The following UVRAG variants were observed in gnomAD, a reference collection of about 807,000 sequenced individuals.
UVRAG encodes UV radiation resistance-associated gene protein.
Under a neutral mutation model 78.0 loss-of-function variants are expected in UVRAG, and 19 were observed. The ratio of observed to expected loss-of-function variants is 0.24; its 90% CI spans 0.17 to 0.36. UVRAG has a LOEUF of 0.36. Among genes scored for constraint, UVRAG ranks in the 10% least tolerant of loss-of-function variants. The probability of loss-of-function intolerance (pLI) is 1.00; values close to 1 mark genes in which losing one functional copy is unlikely to be tolerated. For synonymous variants in UVRAG, 323 were observed against 324.6 expected (o/e 1.00, Z 0.05); for missense variants, 740 against 853.8 (o/e 0.87, Z 1.66).
intron 2 of UVRAG, among the ~76,000 whole-genome samples, chr11:75,858,467 G>A (rs1202225174): frequency 1.3e-5 from 2 of 152,002 alleles, no homozygotes; most frequent in Admixed American, 1.3e-4. Context: ...TTTCTGCATA[G>A]TTTTGCATTG....
intron 14 of UVRAG, among the ~76,000 whole-genome samples, chr11:76,130,664 C>G (rs2134498622): frequency 6.6e-6 from 1 of 152,328 alleles, no homozygotes; most frequent in South Asian, 2.1e-4. Flanking sequence ...CAACTAAACC[C>G]TCACAGTTTG....
chr11:76,031,006 G>A (rs1950427044), intron 12 of UVRAG, among the ~76,000 whole-genome samples: 1 of 152,160 alleles, frequency 6.6e-6, no homozygotes, highest in Non-Finnish European at 1.5e-5. Flanking sequence ...CTTGCAGAGA[G>A]GCTTGTATTT....
rs867529890 is a variant in UVRAG at position 75,860,851 on chromosome 11, A to G, written c.236-895A>G. 3.3e-5 allele frequency among the ~76,000 whole-genome samples: 5 copies of G among 151,418 alleles called. No homozygotes were observed. In the South Asian group the frequency reaches 6.2e-4, roughly 19 times the overall value. The stretch of plus-strand genomic sequence containing the variant: ...ACCCAGGCTGGAGTGCAGTAGTGCA[A>G]TTCTACCCACTGCAGCCTCTGTCTC... On this transcript the variant is annotated intron_variant, in intron 2 of 14. Coordinates refer to ENST00000356136, the MANE Select transcript of UVRAG (RefSeq NM_003369.4).
At chr11:76,034,597 C>T (rs1289401617) in intron 12 of UVRAG, among the ~76,000 whole-genome samples, 2 of 152,056 alleles carry the variant, frequency 1.3e-5, no homozygotes, top group Non-Finnish European at 2.9e-5. Context: ...AACATAAGGT[C>T]AATGTGGGTG....
intron 14 of UVRAG, among the ~76,000 whole-genome samples, chr11:76,135,007 G>A (rs1952576180): frequency 1.3e-5 from 2 of 152,128 alleles, no homozygotes; most frequent in Admixed American, 6.5e-5. Flanking sequence ...ATAGGAGCAC[G>A]AATCCTGTTG....
At chr11:76,089,312 G>C (rs1951652435) in intron 13 of UVRAG, among the ~76,000 whole-genome samples, 1 of 152,142 alleles carries the variant, frequency 6.6e-6, no homozygotes, top group Admixed American at 6.5e-5. Context: ...CTTCTAGTCA[G>C]AGAGCTGACA....
At chr11:75,855,253 T>C (rs573263716) in intron 2 of UVRAG, among the ~76,000 whole-genome samples, 40 of 152,224 alleles carry the variant, frequency 2.6e-4, no homozygotes, top group Non-Finnish European at 4.8e-4. Flanking sequence ...CAATGAGATA[T>C]CTCAATCCAA....
intron 3 of UVRAG, among the ~76,000 whole-genome samples, chr11:75,868,827 G>A (rs2134815693): frequency 6.6e-6 from 1 of 152,196 alleles, no homozygotes; most frequent in Admixed American, 6.5e-5. Flanking sequence ...CTACTCATTG[G>A]TTATTTTCCC....
intron 14 of UVRAG, among the ~76,000 whole-genome samples, chr11:76,131,706 C>T (rs1009414314): frequency 6.6e-6 from 1 of 152,188 alleles, no homozygotes; most frequent in South Asian, 2.1e-4. Flanking sequence ...TTTTTGTTAA[C>T]ATCCAGGGCA....
At chr11:76,093,911 G>A (rs2134432468) in intron 13 of UVRAG, among the ~76,000 whole-genome samples, 1 of 152,332 alleles carries the variant, frequency 6.6e-6, no homozygotes, top group East Asian at 1.9e-4. Context: ...TAGGAGTGGT[G>A]AGAGAGGGCA....
chr11:76,112,236 G>A (rs1952085076), intron 13 of UVRAG, among the ~76,000 whole-genome samples: 1 of 152,184 alleles, frequency 6.6e-6, no homozygotes, highest in Admixed American at 6.5e-5. Flanking sequence ...GAACCAGCAT[G>A]TTAACGGGTT....
chr11:76,056,557 T>C (rs1950988554), intron 12 of UVRAG, among the ~76,000 whole-genome samples: 2 of 152,206 alleles, frequency 1.3e-5, no homozygotes, highest in Admixed American at 6.5e-5. Flanking sequence ...TGCATTTTTT[T>C]CCTTGTTGTA....
chr11:75,947,739 A>G (rs116270471), intron 6 of UVRAG, among the ~76,000 whole-genome samples: 2,693 of 152,280 alleles, frequency 0.018, 74 homozygotes, highest in African/African-American at 0.061. Flanking sequence ...GGAGTTAAAC[A>G]AACCTGGGTT....
chr11:76,063,477 A>T (rs1951130712), intron 12 of UVRAG, among the ~76,000 whole-genome samples: 1 of 152,188 alleles, frequency 6.6e-6, no homozygotes, highest in Admixed American at 6.5e-5. Flanking sequence ...TCACACACGT[A>T]ATCTATTTAT....
intron 6 of UVRAG, among the ~76,000 whole-genome samples, chr11:75,950,962 G>GCA (rs1565395206): frequency 1.6e-5 from 2 of 125,974 alleles, no homozygotes; most frequent in African/African-American, 7.6e-5. Flanking sequence ...TTTGTCAGGT[G>GCA]TACACACACA....
intron 12 of UVRAG, among the ~76,000 whole-genome samples, chr11:76,029,762 G>C (rs1197792170): frequency 6.6e-6 from 1 of 152,194 alleles, no homozygotes; most frequent in African/African-American, 2.4e-5. Flanking sequence ...TGAGAGGAAG[G>C]ATTGACTCCA....
At chr11:75,844,678 C>T (rs79852149) in intron 1 of UVRAG, among the ~76,000 whole-genome samples, 3 of 143,006 alleles carry the variant, frequency 2.1e-5, no homozygotes, top group South Asian at 2.2e-4. Context: ...CTTTTCTTTT[C>T]TTTTTTTTTT....
chr11:75,904,204 G>A (rs987017357), intron 5 of UVRAG, among the ~76,000 whole-genome samples: 4 of 152,176 alleles, frequency 2.6e-5, no homozygotes, highest in African/African-American at 9.7e-5. Context: ...GACTTGCCTG[G>A]AATTACTCCT....
intron 5 of UVRAG, among the ~76,000 whole-genome samples, chr11:75,901,310 A>G (rs947915586): frequency 1.3e-5 from 2 of 152,056 alleles, no homozygotes; most frequent in East Asian, 1.9e-4. Flanking sequence ...TATTTTACCT[A>G]GGTTAAGTAG....
Sources: gnomAD v4.1 joint callset for allele counts (sites outside exome capture counted in the v4.1 genomes callset) on GRCh38, gnomAD v4.1.1 for gene constraint, MANE v1.5 for transcripts, NCBI Gene and HGNC (gene_info 2026-07-23, HGNC 2026-07-21) for gene names.